Variants in DAB1 observed in about 807,000 individuals in gnomAD.
The protein encoded by DAB1 is DAB adaptor protein 1.
DAB1 carries 15 observed loss-of-function variants against 64.6 expected under a neutral mutation model. The observed-to-expected ratio is 0.23, with a 90% confidence interval of 0.16 to 0.36. DAB1 has a LOEUF of 0.36. DAB1 is among the 10% of genes least tolerant of loss of function. The pLI, the probability that DAB1 is intolerant of heterozygous loss-of-function variation, is 1.00. For synonymous variants in DAB1, 235 were observed against 251.9 expected, an observed-to-expected ratio of 0.93 and a Z score of 0.64; for missense variants, 596 against 706.7, an observed-to-expected ratio of 0.84 and a Z score of 1.78.
chr1:58,295,500 GTCC>G (rs142078711), intron 4 of DAB1, among the ~76,000 whole-genome samples: 2,127 of 152,190 alleles, frequency 0.014, 23 homozygotes, highest in Middle Eastern at 0.031. Context: ...TGATCAAAAT[GTCC>G]TCAACAGGGA....
chr1:57,492,490 C>G (rs1286446780), intron 7 of DAB1, among the ~76,000 whole-genome samples: 1 of 152,200 alleles, frequency 6.6e-6, no homozygotes, highest in Non-Finnish European at 1.5e-5. Context: ...TGAAAACTTC[C>G]TGTATCTGAG....
At chr1:57,348,354 G>C (rs573594041) in intron 1 of DAB1, among the ~76,000 whole-genome samples, 1 of 152,106 alleles carries the variant, frequency 6.6e-6, no homozygotes, top group African/African-American at 2.4e-5. Flanking sequence ...AGAGAGGGTG[G>C]TTTTATCAGA....
At chr1:57,112,837 G>C (rs113312326) in intron 4 of DAB1, among the ~76,000 whole-genome samples, 1 of 151,902 alleles carries the variant, frequency 6.6e-6, no homozygotes, top group African/African-American at 2.4e-5. Context: ...GACAGTAGGG[G>C]GTACAAAGAT....
At chr1:57,637,716 C>T (rs1369172073) in intron 7 of DAB1, among the ~76,000 whole-genome samples, 2 of 152,076 alleles carry the variant, frequency 1.3e-5, no homozygotes, top group Non-Finnish European at 2.9e-5. Context: ...TGTAAGAGGG[C>T]ATTAAATGTT....
intron 3 of DAB1, among the ~76,000 whole-genome samples, chr1:58,442,060 C>A (rs979575383): frequency 6.6e-6 from 1 of 152,170 alleles, no homozygotes; most frequent in Non-Finnish European, 1.5e-5. Context: ...AGGAAGTAAG[C>A]GGTTTGTAAA....
chr1:57,279,043 G>T (rs1348727877), intron 2 of DAB1, among the ~76,000 whole-genome samples: 1 of 152,206 alleles, frequency 6.6e-6, no homozygotes, highest in Admixed American at 6.5e-5. Flanking sequence ...CCGCTGGGAG[G>T]TGAACTAGGC....
intron 4 of DAB1, among the ~76,000 whole-genome samples, chr1:58,223,355 T>G (rs1200054601): frequency 6.6e-6 from 1 of 152,096 alleles, no homozygotes; most frequent in African/African-American, 2.4e-5. Flanking sequence ...GGACCAAAGG[T>G]ATAATTGAGT....
chr1:57,603,025 T>G (rs1305682713), intron 7 of DAB1, among the ~76,000 whole-genome samples: 1 of 151,820 alleles, frequency 6.6e-6, no homozygotes, highest in African/African-American at 2.4e-5. Flanking sequence ...CAGGCTGGAG[T>G]GCAATGGCAC....
intron 5 of DAB1, among the ~76,000 whole-genome samples, chr1:58,086,033 G>A (rs976002031): frequency 4.3e-5 from 6 of 138,332 alleles, no homozygotes; most frequent in South Asian, 2.4e-4. Flanking sequence ...GCGGGATCTC[G>A]GCTCACTGCA....
intron 2 of DAB1, among the ~76,000 whole-genome samples, chr1:58,516,534 G>A (rs1474710816): frequency 3.9e-5 from 6 of 151,992 alleles, no homozygotes; most frequent in Admixed American, 1.3e-4. Context: ...TTTATATAAC[G>A]ACAAATGCCT....
At chr1:58,393,835 C>T (rs978672266) in intron 3 of DAB1, among the ~76,000 whole-genome samples, 2 of 151,988 alleles carry the variant, frequency 1.3e-5, no homozygotes, top group Admixed American at 6.6e-5. Flanking sequence ...ATAAATAATC[C>T]ATTGTATATT....
At chr1:57,117,389 T>G (rs965248160) in intron 4 of DAB1, among the ~76,000 whole-genome samples, 1 of 152,176 alleles carries the variant, frequency 6.6e-6, no homozygotes, top group African/African-American at 2.4e-5. Context: ...TGTGGAGAAT[T>G]AAGATGAAGC....
At chr1:58,407,187 C>T (rs535433266) in intron 3 of DAB1, among the ~76,000 whole-genome samples, 17 of 152,292 alleles carry the variant, frequency 1.1e-4, no homozygotes, top group Admixed American at 9.8e-4. Context: ...CTAGCCCCAC[C>T]CTTCAGGAAG....
intron 5 of DAB1, among the ~76,000 whole-genome samples, chr1:57,931,549 C>T (rs373720405): frequency 3.9e-5 from 6 of 152,264 alleles, no homozygotes; most frequent in African/African-American, 7.2e-5. Flanking sequence ...CTACTTGGAT[C>T]GATTGTGTCT....
chr1:57,444,142 C>T (rs1205219917), intron 7 of DAB1, among the ~76,000 whole-genome samples: 4 of 152,068 alleles, frequency 2.6e-5, no homozygotes, highest in Admixed American at 2.6e-4. Context: ...GGAATAGTCT[C>T]CCCCATCCCT....
chr1:57,305,675 A>C (rs1674075354), intron 1 of DAB1, among the ~76,000 whole-genome samples: 2 of 152,174 alleles, frequency 1.3e-5, no homozygotes, highest in Admixed American at 1.3e-4. Context: ...GAAATGAAGA[A>C]AAGAAAACAA....
chr1:58,290,898 C>A (rs980982453), intron 4 of DAB1, among the ~76,000 whole-genome samples: 1 of 152,120 alleles, frequency 6.6e-6, no homozygotes, highest in South Asian at 2.1e-4. Flanking sequence ...CTGAGAGCTG[C>A]AGACCCGAGG....
At chr1:57,246,937 T>C (rs895865213) in intron 2 of DAB1, among the ~76,000 whole-genome samples, 3 of 152,224 alleles carry the variant, frequency 2.0e-5, no homozygotes, top group Admixed American at 1.3e-4. Context: ...ATGGGAACAT[T>C]TACCCACTGC....
At chr1:57,840,462 TAA>T (rs1262374251) in intron 1 of DAB1, among the ~76,000 whole-genome samples, 4 of 152,054 alleles carry the variant, frequency 2.6e-5, no homozygotes, top group African/African-American at 4.8e-5. Flanking sequence ...GAAAATATAA[TAA>T]GTCAAAAATG....
Sources: allele counts gnomAD v4.1 joint callset (sites outside exome capture counted in the v4.1 genomes callset), GRCh38; gene constraint gnomAD v4.1.1; transcripts MANE v1.5; gene names NCBI Gene and HGNC (gene_info 2026-07-23, HGNC 2026-07-21).